The following GRPR variants were observed in gnomAD, a reference collection of about 807,000 sequenced individuals.
GRPR encodes gastrin releasing peptide receptor.
GRPR carries 4 observed loss-of-function variants against 15.6 expected under a neutral mutation model. The ratio of observed to expected loss-of-function variants is 0.26; its 90% CI spans 0.13 to 0.59. The LOEUF (loss-of-function observed/expected upper bound fraction) is 0.59. Ranked by LOEUF, GRPR falls within the 20% of genes least tolerant of loss-of-function variation. GRPR has a pLI of 0.90. For synonymous variants in GRPR, 128 were observed against 126.8 expected (o/e 1.01, Z -0.06); for missense variants, 270 against 304.1 (o/e 0.89, Z 0.83).
chrX:16,123,934 G>T lies in GRPR; in HGVS notation c.-20G>T, dbSNP rs768593415. ...AAATAGCATCTAAGGGAACTTTTAG[G>T]TGGGAAAAAAAATCTAGAGATGGCT... On this transcript the variant is annotated 5_prime_UTR_variant, in exon 1 of 3. Transcript: ENST00000380289. The T allele has an allele frequency of 3.3e-6, 4 of 1,198,265 alleles. No individual in the cohort carries two copies. The highest frequency in any genetic ancestry group is 4.5e-6 in the Non-Finnish European group (4 of 885,132).
chrX:16,131,136 T>G (rs953606439), intron 1 of GRPR, among the ~76,000 whole-genome samples: 1 of 112,364 alleles, frequency 8.9e-6, no homozygotes, highest in Non-Finnish European at 1.9e-5. Flanking sequence ...ACATAGAGTA[T>G]AGCCTGAAAG....
At chrX:16,143,147 C>G (rs943958390) in intron 1 of GRPR, among the ~76,000 whole-genome samples, 9 of 111,729 alleles carry the variant, frequency 8.1e-5, no homozygotes, top group African/African-American at 2.9e-4. Flanking sequence ...CTCTTCACCC[C>G]TCCATGCCCT....
In GRPR at chrX:16,124,318, C is replaced by A. The variant is rs760791056; in HGVS notation, c.365C>A (p.Thr122Asn). ...AAACTGATCCCCTTTATACAGCTTA[C>A]CTCTGTTGGGGTGTCTGTCTTCACA... ...GCKLIPFIQL[T>N]SVGVSVFTLT... The change falls in exon 1 of 3, where the codon ACC (threonine) becomes AAC (asparagine). Residue 122 changes from threonine (T) to asparagine (N), a missense_variant. This residue lies in a region of GRPR where 115 missense variants were observed against 128.8 expected (regional missense o/e 0.89). Coordinates refer to ENST00000380289, the MANE Select transcript of GRPR (RefSeq NM_005314.3). 1 of 1,210,911 alleles carries A rather than the reference C, an allele frequency of 8.3e-7. No homozygotes were observed. Among genetic ancestry groups the A allele is most frequent in the Non-Finnish European group, 1.1e-6 (1 of 894,885 alleles).
chrX:16,125,037 A>T (rs1018070851), intron 1 of GRPR, among the ~76,000 whole-genome samples: 3 of 112,273 alleles, frequency 2.7e-5, no homozygotes, highest in Non-Finnish European at 3.8e-5. Context: ...TTTATTGACA[A>T]TACTTCATAT....
Position 16,124,162 on chromosome X carries a change from C to A in GRPR, c.209C>A (p.Ser70Tyr). Residue 70 changes from serine (S) to tyrosine (Y), a missense_variant, in exon 1 of 3, where the codon TCC (serine) becomes TAC (tyrosine). Coordinates refer to ENST00000380289, the MANE Select transcript of GRPR (RefSeq NM_005314.3). Reference protein sequence around the residue: ...TLIKIFCTVKSMRNVPNLFIS... With the variant: ...TLIKIFCTVKYMRNVPNLFIS... ...ATCAAGATCTTCTGTACAGTCAAGT[C>A]CATGCGAAACGTTCCAAACCTGTTC... The A allele has an allele frequency of 8.3e-7, 1 of 1,208,266 alleles. No individual in the cohort carries two copies. The highest frequency in any genetic ancestry group is 1.1e-6 in the Non-Finnish European group (1 of 892,427).
intron 1 of GRPR, among the ~76,000 whole-genome samples, chrX:16,145,502 G>A (rs1422892211): frequency 8.9e-6 from 1 of 112,048 alleles, no homozygotes; most frequent in Non-Finnish European, 1.9e-5. Flanking sequence ...GCTGAGAAGG[G>A]TAGTGGGATA....
chrX:16,144,666 A>T (rs937018309), intron 1 of GRPR, among the ~76,000 whole-genome samples: 1 of 111,980 alleles, frequency 8.9e-6, no homozygotes, highest in African/African-American at 3.2e-5. Context: ...TCCCACAGAG[A>T]ACGTTTTGTG....
At chrX:16,150,752 A>G (rs1030148824) in intron 2 of GRPR, 96 bp downstream of exon 2, 9 of 559,418 alleles carry the variant, frequency 1.6e-5, no homozygotes, top group Non-Finnish European at 2.8e-5. Flanking sequence ...TGAATCTGCA[A>G]TTAGATGAGG....
At chrX:16,145,977 A>T (rs1232522116) in intron 1 of GRPR, among the ~76,000 whole-genome samples, 1 of 112,082 alleles carries the variant, frequency 8.9e-6, no homozygotes, top group Non-Finnish European at 1.9e-5. Context: ...CATCAAGATG[A>T]TACTTAAACT....
At chrX:16,135,827 A>T (rs959342564) in intron 1 of GRPR, among the ~76,000 whole-genome samples, 1 of 112,423 alleles carries the variant, frequency 8.9e-6, no homozygotes, top group African/African-American at 3.2e-5. Flanking sequence ...ACAGATTTCT[A>T]AGAATTTCAT....
At position 16,153,097 on chromosome X, in the gene GRPR, G is replaced by C. The variant is rs934908219; in HGVS notation, c.*452G>C. ...AAATATAACTTGACTCTGTTTTCAG[G>C]AATATCTGTAATACACAAACCAAGG... On this transcript the variant is annotated 3_prime_UTR_variant, in exon 3 of 3. Transcript: ENST00000380289. 4.9e-5 allele frequency: 7 copies of C among 143,331 alleles called. No homozygotes were observed. Among genetic ancestry groups the C allele is most frequent in the African/African-American group, 2.2e-4 (7 of 32,225 alleles). The allele number at this position is 143,331 out of a possible 1,213,427, so 11.8% of individuals were successfully genotyped here.
chrX:16,151,925 A>AAAC (rs1407891247), intron 2 of GRPR, among the ~76,000 whole-genome samples: 15 of 111,911 alleles, frequency 1.3e-4, no homozygotes. Context: ...CAGTCCATTC[A>AAAC]AACATGTAAT....
At position 16,150,342 on chromosome X, in the gene GRPR, T is replaced by A; in HGVS notation, c.451T>A (p.Ser151Thr). Residue 151 changes from serine (S) to threonine (T), a missense_variant, in exon 2 of 3, where the codon TCT becomes ACT. Transcript: ENST00000380289. ...TGTCCGGCCAATGGATATCCAGGCC[T>A]CTCATGCCCTGATGAAGATCTGCCT... ...AIVRPMDIQA[S>T]HALMKICLKA... 4 of 1,206,663 alleles carry A rather than the reference T, an allele frequency of 3.3e-6. No homozygotes were observed. Among genetic ancestry groups the A allele is most frequent in the Non-Finnish European group, 4.5e-6 (4 of 890,891 alleles).
At chrX:16,139,908 T>A in intron 1 of GRPR, among the ~76,000 whole-genome samples, 1 of 112,675 alleles carries the variant, frequency 8.9e-6, no homozygotes, top group African/African-American at 3.2e-5. Flanking sequence ...TCTTGAAAAG[T>A]GTCGAGAACT....
intron 2 of GRPR, 137 bp from the exon 3 acceptor site, chrX:16,152,119 T>C (rs777789119): frequency 6.9e-4 from 387 of 562,612 alleles, no homozygotes; most frequent in Non-Finnish European, 1.1e-3. Flanking sequence ...GAACTCTTTT[T>C]CGGTGGCTTT....
At chrX:16,131,581 T>A (rs1296373337) in intron 1 of GRPR, among the ~76,000 whole-genome samples, 4 of 112,260 alleles carry the variant, frequency 3.6e-5, no homozygotes, top group Non-Finnish European at 7.5e-5. Context: ...GACATTTTCG[T>A]CATCCCCCAA....
intron 1 of GRPR, among the ~76,000 whole-genome samples, chrX:16,137,651 T>C (rs777014174): frequency 1.8e-5 from 2 of 111,728 alleles, no homozygotes; most frequent in East Asian, 2.8e-4. Context: ...TTGAAATGAT[T>C]AGAGAAATAG....
chrX:16,143,164 C>T (rs1053068506), intron 1 of GRPR, among the ~76,000 whole-genome samples: 1 of 111,666 alleles, frequency 9.0e-6, no homozygotes, highest in East Asian at 2.8e-4. Flanking sequence ...CCCTGTTGAT[C>T]ACACACTCAG....
chrX:16,144,866 G>A (rs956778541), intron 1 of GRPR, among the ~76,000 whole-genome samples: 4 of 111,665 alleles, frequency 3.6e-5, no homozygotes, highest in Non-Finnish European at 7.5e-5. Context: ...GAGACACAAC[G>A]GCAAGTCACA....
Sources: gnomAD v4.1 joint callset for allele counts (sites outside exome capture counted in the v4.1 genomes callset) on GRCh38, gnomAD v4.1.1 for gene constraint, gnomAD v4.1.1 regional missense constraint, MANE v1.5 for transcripts, NCBI Gene and HGNC (gene_info 2026-07-23, HGNC 2026-07-21) for gene names.